POLK: variants seen among roughly 807,000 people sequenced by gnomAD.
The protein encoded by POLK is DNA polymerase kappa, also known as polymerase (DNA directed) kappa.
POLK carries 76 observed loss-of-function variants against 94.0 expected under a neutral mutation model. The observed-to-expected ratio is 0.81, with a 90% CI of 0.67 to 0.98. The LOEUF (loss-of-function observed/expected upper bound fraction) is 0.98. POLK is among the 50% of genes least tolerant of loss of function. POLK has a pLI of 0.00. For missense variants in POLK, 954 were observed against 1,010.1 expected (o/e 0.94, Z 0.75); for synonymous variants, 349 against 325.4 (o/e 1.07, Z -0.78).
rs988964287 is a variant in POLK, at chr5:75,590,457, T to C, written c.1356+17T>C. ...AGACTTAAGGTGCTTTATTTTGATATGGTGTCCTTAGTTTTTAAGTTTTTT... is the reference window on the plus strand; with the variant it reads ...AGACTTAAGGTGCTTTATTTTGATACGGTGTCCTTAGTTTTTAAGTTTTTT... On this transcript the variant is annotated intron_variant, in intron 11 of 14. Coordinates refer to ENST00000241436, the Ensembl canonical transcript of POLK. 3.4e-6 allele frequency: 5 copies of C among 1,454,454 alleles called. No homozygotes were observed. The highest frequency in any genetic ancestry group is 9.6e-7 in the Non-Finnish European group (1 of 1,036,320). The allele number at this position is 1,454,454 out of a possible 1,614,324, so 90.1% of individuals were successfully genotyped here.
chr5:75,547,796 A>G (rs1398392124), intron 2 of POLK, among the ~76,000 whole-genome samples: 1 of 152,234 alleles, frequency 6.6e-6, no homozygotes, highest in Non-Finnish European at 1.5e-5. Context: ...CTTCCACTAC[A>G]AATATCTGAG....
chr5:75,552,334 C>A, intron 2 of POLK, 138 bp from the exon 3 acceptor site: 1 of 666,534 alleles, frequency 1.5e-6, no homozygotes, highest in Non-Finnish European at 2.4e-6. Context: ...TTAGGGTCAC[C>A]TAGCTAGTAA....
At chr5:75,592,119 T>C (rs1256717916) in intron 11 of POLK, among the ~76,000 whole-genome samples, 1 of 152,230 alleles carries the variant, frequency 6.6e-6, no homozygotes, top group African/African-American at 2.4e-5. Context: ...GTACAGTTCA[T>C]ATTGTTTTAT....
intron 1 of POLK, among the ~76,000 whole-genome samples, chr5:75,520,929 A>G (rs1398069368): frequency 6.6e-6 from 1 of 152,120 alleles, no homozygotes; most frequent in Non-Finnish European, 1.5e-5. Flanking sequence ...GCACTTTGAA[A>G]ATGTCATCCC....
intron 3 of POLK, among the ~76,000 whole-genome samples, chr5:75,559,169 G>A (rs926463576): frequency 2.0e-5 from 3 of 152,298 alleles, no homozygotes; most frequent in Admixed American, 6.5e-5. Flanking sequence ...AGTTGTTTTC[G>A]TAGGAAATGT....
At chr5:75,597,956 T>C in exon 15 of POLK, 4 of 1,504,044 alleles carry the variant, frequency 2.7e-6, no homozygotes, top group Non-Finnish European at 3.6e-6. Flanking sequence ...GACAAAGTAC[T>C]CAACATCAAA....
In POLK at chr5:75,597,685, A is replaced by G. The variant is rs1283473157; in HGVS notation, c.2486-62A>G. ...AAGTTTTAACTTTTTAAATTTGTAT[A>G]CAACTTTTTAATTATTTCATATTAT... On this transcript the variant is annotated intron_variant, in intron 13 of 14. Coordinates refer to ENST00000241436, the Ensembl canonical transcript of POLK. 8.3e-6 allele frequency: 8 copies of G among 961,994 alleles called. No individual in the cohort carries two copies. In the East Asian group the frequency reaches 1.9e-4, roughly 23 times the overall value. The allele number at this position is 961,994 out of a possible 1,614,324, so 59.6% of individuals were successfully genotyped here.
intron 8 of POLK, among the ~76,000 whole-genome samples, chr5:75,584,081 G>T (rs1179317860): frequency 1.3e-5 from 2 of 152,152 alleles, no homozygotes; most frequent in Non-Finnish European, 2.9e-5. Context: ...TAGCTGCAAA[G>T]CAGTGTTTTC....
downstream of POLK, among the ~76,000 whole-genome samples, chr5:75,605,112 TACACATACACAC>T (rs1221414590): frequency 3.9e-5 from 3 of 77,298 alleles, no homozygotes; most frequent in Non-Finnish European, 7.2e-5. Context: ...CTTTCCTGTA[TACACATACACAC>T]ACACACACAC....
chr5:75,581,244 C>G, exon 7 of POLK: 1 of 1,604,848 alleles, frequency 6.2e-7, no homozygotes. Context: ...ACTGAGTGAG[C>G]ATGAACGATC....
intron 3 of POLK, among the ~76,000 whole-genome samples, chr5:75,553,872 G>T (rs5744617): frequency 0.054 from 8,290 of 152,232 alleles, 464 homozygotes; most frequent in African/African-American, 0.14. Context: ...AATAAGAGCT[G>T]CTTTCTTTCT....
intron 1 of POLK, among the ~76,000 whole-genome samples, chr5:75,541,433 A>G (rs1769737015): frequency 6.6e-6 from 1 of 152,224 alleles, no homozygotes; most frequent in Non-Finnish European, 1.5e-5. Flanking sequence ...TTATTGTTCT[A>G]TAAGAATGAA....
At chr5:75,584,627 C>T in intron 8 of POLK, 133 bp from the exon 9 acceptor site, 2 of 555,978 alleles carry the variant, frequency 3.6e-6, no homozygotes, top group Middle Eastern at 4.8e-4. Context: ...GCCAACTTGG[C>T]ACCACTGTAC....
intron 1 of POLK, among the ~76,000 whole-genome samples, chr5:75,532,753 T>A (rs1769245795): frequency 6.6e-6 from 1 of 152,212 alleles, no homozygotes; most frequent in African/African-American, 2.4e-5. Flanking sequence ...GCATCTGTTA[T>A]TTTTTGATTT....
At position 75,578,307 on chromosome 5, in the gene POLK, C is replaced by A. The variant is rs1485665306; in HGVS notation, c.694+1374C>A. ...AGTATCTGGGATTAGAGGCGCGTGCCACCACACCCGACTAATTTTTTGTAT... is the reference window on the plus strand; with the variant it reads ...AGTATCTGGGATTAGAGGCGCGTGCAACCACACCCGACTAATTTTTTGTAT... On this transcript the variant is annotated intron_variant, in intron 6 of 14. Transcript: ENST00000241436. Among the ~76,000 whole-genome samples, 4 of 152,250 alleles carry A rather than the reference C, an allele frequency of 2.6e-5. No individual in the cohort carries two copies. In the East Asian group the frequency reaches 5.8e-4, roughly 22 times the overall value.
chr5:75,546,787 T>C (rs1479650769), intron 1 of POLK, among the ~76,000 whole-genome samples: 1 of 152,082 alleles, frequency 6.6e-6, no homozygotes, highest in Non-Finnish European at 1.5e-5. Context: ...TGCCTCAGCC[T>C]CCCTAGTAGC....
At chr5:75,588,204 C>CT (rs1255382496) in intron 10 of POLK, among the ~76,000 whole-genome samples, 3 of 151,046 alleles carry the variant, frequency 2.0e-5, no homozygotes, top group Admixed American at 2.0e-4. Flanking sequence ...GTGTTCTCCA[C>CT]TTTTTTTTTC....
chr5:75,518,221 A>G (rs1474383409), intron 1 of POLK, among the ~76,000 whole-genome samples: 1 of 152,068 alleles, frequency 6.6e-6, no homozygotes, highest in East Asian at 1.9e-4. Context: ...AGAATTAGTT[A>G]TTCTTGAAAT....
At chr5:75,557,654 G>C (rs1770708588) in intron 3 of POLK, among the ~76,000 whole-genome samples, 2 of 152,150 alleles carry the variant, frequency 1.3e-5, no homozygotes, top group South Asian at 4.1e-4. Flanking sequence ...ATAGGCCAGA[G>C]ACCGTATTTA....
Sources: allele counts gnomAD v4.1 joint callset (sites outside exome capture counted in the v4.1 genomes callset), GRCh38; gene constraint gnomAD v4.1.1; transcripts MANE v1.5; gene names NCBI Gene and HGNC (gene_info 2026-07-23, HGNC 2026-07-21).